Variants in ABCA13 observed in about 807,000 individuals in gnomAD.
ABCA13 encodes ATP binding cassette subfamily A member 13.
Under a neutral mutation model 478.7 loss-of-function variants are expected in ABCA13, and 476 were observed. The ratio of observed to expected loss-of-function variants is 0.99; its 90% CI spans 0.92 to 1.07. ABCA13 has a LOEUF of 1.07. Among genes scored for constraint, ABCA13 ranks in the 50% least tolerant of loss-of-function variants. The pLI is 0.00. For missense variants in ABCA13, 6,060 were observed against 5,910.6 expected, an observed-to-expected ratio of 1.03 and a Z score of -0.83; for synonymous variants, 2,252 against 2,158.9, an observed-to-expected ratio of 1.04 and a Z score of -1.20.
chr7:48,311,817 C>G (rs1801823044), intron 24 of ABCA13, among the ~76,000 whole-genome samples: 2 of 152,198 alleles, frequency 1.3e-5, no homozygotes, highest in Admixed American at 1.3e-4. Context: ...AGCTCATTCC[C>G]AAGTCCATGT....
Position 48,270,354 on chromosome 7 carries a change from A to G in ABCA13, c.2120+1260A>G, listed in dbSNP as rs995269770. Among the ~76,000 whole-genome samples, 43 of 152,172 alleles carry G rather than the reference A, an allele frequency of 2.8e-4. 2 individuals are homozygous for G. Among genetic ancestry groups the G allele is most frequent in the African/African-American group, 9.9e-4 (41 of 41,446 alleles). ...TAGTAGTTGTGAAAGTGCTTTATAA[A>G]CTAAATTACTAAAGTAATATAAAAA... On this transcript the variant is annotated intron_variant, in intron 16 of 61. Coordinates refer to ENST00000435803, the MANE Select transcript of ABCA13 (RefSeq NM_152701.5).
chr7:48,378,478 A>T (rs940122356), intron 35 of ABCA13, among the ~76,000 whole-genome samples: 5 of 152,210 alleles, frequency 3.3e-5, no homozygotes, highest in African/African-American at 7.2e-5. Context: ...ACCATGCCAC[A>T]TTTGGAACTC....
chr7:48,408,350 GTA>G (rs77019014), intron 39 of ABCA13, among the ~76,000 whole-genome samples: 29,560 of 152,104 alleles, frequency 0.19, 3,240 homozygotes, highest in East Asian at 0.23. Flanking sequence ...GTATGGGAAT[GTA>G]TCATCTGAAC....
chr7:48,623,883 G>A (rs1197714987), intron 59 of ABCA13, among the ~76,000 whole-genome samples: 1 of 152,166 alleles, frequency 6.6e-6, no homozygotes, highest in Non-Finnish European at 1.5e-5. Context: ...GGAGTGGGAA[G>A]CCTGCAGCCT....
chr7:48,294,508 G>A (rs1343885783), intron 20 of ABCA13, among the ~76,000 whole-genome samples: 2 of 148,106 alleles, frequency 1.4e-5, no homozygotes, highest in East Asian at 2.0e-4. Context: ...CTGCAGTGGC[G>A]CAATCTCGGC....
intron 20 of ABCA13, among the ~76,000 whole-genome samples, chr7:48,289,589 GA>G (rs1798228538): frequency 6.6e-6 from 1 of 152,030 alleles, no homozygotes; most frequent in East Asian, 1.9e-4. Flanking sequence ...TTGAACTCCT[GA>G]TCTCGTGATC....
chr7:48,415,777 G>A (rs1488980782), intron 41 of ABCA13, among the ~76,000 whole-genome samples: 1 of 152,118 alleles, frequency 6.6e-6, no homozygotes, highest in Non-Finnish European at 1.5e-5. Context: ...ATCACGGGTG[G>A]ATGCTTAGCT....
At chr7:48,334,269 G>A (rs1805860058) in intron 27 of ABCA13, among the ~76,000 whole-genome samples, 1 of 151,836 alleles carries the variant, frequency 6.6e-6, no homozygotes, top group Non-Finnish European at 1.5e-5. Flanking sequence ...TATTTGCTAT[G>A]TGCCAGGCCT....
intron 27 of ABCA13, among the ~76,000 whole-genome samples, chr7:48,329,315 G>C (rs966648785): frequency 6.6e-6 from 1 of 152,204 alleles, no homozygotes; most frequent in Admixed American, 6.5e-5. Context: ...ATTTGGTACA[G>C]TGCGAAAAGT....
At chr7:48,306,271 C>T (rs530595424) in intron 23 of ABCA13, among the ~76,000 whole-genome samples, 13 of 152,202 alleles carry the variant, frequency 8.5e-5, no homozygotes, top group Admixed American at 1.3e-4. Context: ...TATTTTTTGT[C>T]CTGGGACTAG....
intron 55 of ABCA13, among the ~76,000 whole-genome samples, chr7:48,574,332 G>A (rs1216467712): frequency 1.3e-5 from 2 of 151,914 alleles, no homozygotes; most frequent in Admixed American, 6.6e-5. Context: ...TTACATTTCC[G>A]GAGGCTTCAC....
At chr7:48,524,577 T>C (rs1281412068) in intron 54 of ABCA13, 137 bp downstream of exon 54, 15 of 757,262 alleles carry the variant, frequency 2.0e-5, no homozygotes, top group Non-Finnish European at 2.6e-5. Context: ...TCCTACAAAA[T>C]CAGTAGGAGC....
chr7:48,563,398 C>T (rs1361900890), intron 55 of ABCA13, among the ~76,000 whole-genome samples: 1 of 152,086 alleles, frequency 6.6e-6, no homozygotes, highest in South Asian at 2.1e-4. Flanking sequence ...GGTACCTAGT[C>T]GGAGTAGGGA....
intron 7 of ABCA13, among the ~76,000 whole-genome samples, chr7:48,230,696 C>T (rs531623851): frequency 3.9e-5 from 6 of 152,022 alleles, no homozygotes; most frequent in African/African-American, 1.4e-4. Flanking sequence ...TCCATCTATT[C>T]GTCCATTAAT....
chr7:48,532,849 A>T (rs1048162135), intron 55 of ABCA13, among the ~76,000 whole-genome samples: 1 of 151,998 alleles, frequency 6.6e-6, no homozygotes, highest in African/African-American at 2.4e-5. Context: ...CAGTAATAAT[A>T]TCTCTTTTTT....
rs147213697 is a variant in ABCA13 at position 48,336,141 on chromosome 7, G to A, written c.10113+606G>A. 5.9e-5 allele frequency among the ~76,000 whole-genome samples: 9 copies of A among 152,170 alleles called. No individual in the cohort carries two copies. In the East Asian group the frequency reaches 1.5e-3, roughly 26 times the overall value. Reference sequence around the variant, plus strand: ...CTAGAATCCTTTGAGTTTGATTCCCGGCTCAACCCCTGCCACCAGTTGTGT... The same window carrying A: ...CTAGAATCCTTTGAGTTTGATTCCCAGCTCAACCCCTGCCACCAGTTGTGT... On this transcript the variant is annotated intron_variant, in intron 28 of 61. Transcript: ENST00000435803.
chr7:48,484,978 T>A (rs530112349), intron 47 of ABCA13, among the ~76,000 whole-genome samples: 94 of 152,352 alleles, frequency 6.2e-4, no homozygotes, highest in Middle Eastern at 3.4e-3. Flanking sequence ...GATTTCATAG[T>A]CCTTCTGAAG....
At position 48,615,172 on chromosome 7, in the gene ABCA13, A is replaced by T. The variant is rs192725253; in HGVS notation, c.14745-113A>T. On this transcript the variant is annotated intron_variant, in intron 58 of 61. Transcript: ENST00000435803. The stretch of plus-strand genomic sequence containing the variant: ...TTACCATGAGATTTCTGTGTAAAAA[A>T]ATTAAGTAATTTGCCCTAATGGTAT... 284 of 547,672 alleles carry T rather than the reference A, an allele frequency of 5.2e-4. 3 individuals are homozygous for T. The African/African-American group carries it at 5.2e-3, about 10-fold the overall frequency. The allele number at this position is 547,672 out of a possible 1,614,324, so 33.9% of individuals were successfully genotyped here.
chr7:48,282,871 A>G (rs1374317208), intron 19 of ABCA13, among the ~76,000 whole-genome samples: 2 of 152,154 alleles, frequency 1.3e-5, no homozygotes, highest in Non-Finnish European at 2.9e-5. Context: ...GTGCCTGTCT[A>G]TTGATCACTA....
Sources: gnomAD v4.1 joint callset for allele counts (sites outside exome capture counted in the v4.1 genomes callset) on GRCh38, gnomAD v4.1.1 for gene constraint, MANE v1.5 for transcripts, NCBI Gene and HGNC (gene_info 2026-07-23, HGNC 2026-07-21) for gene names.